CTSA: variants seen among roughly 807,000 people sequenced by gnomAD.
CTSA encodes lysosomal protective protein.
A neutral mutation model predicts 66.7 loss-of-function variants in CTSA; 42 were observed. The ratio of observed to expected loss-of-function variants is 0.63; its 90% CI spans 0.49 to 0.81. CTSA has a LOEUF of 0.81. CTSA is among the 40% of genes least tolerant of loss of function. The pLI is 0.00. For synonymous variants in CTSA, 225 were observed against 248.6 expected (o/e 0.91, Z 0.89); for missense variants, 525 against 610.9 (o/e 0.86, Z 1.48).
Position 45,898,424 on chromosome 20 carries a change from C to G in CTSA, c.1417C>G (p.Arg473Gly). The G allele has an allele frequency of 1.2e-6, 2 of 1,614,008 alleles. No homozygotes were observed. Among genetic ancestry groups the G allele is most frequent in the Non-Finnish European group, 1.7e-6 (2 of 1,179,978 alleles). Residue 473 changes from arginine to glycine, a missense_variant, in exon 15 of 15, where the codon CGC (arginine) becomes GGC (glycine). Transcript: ENST00000646241. This position sits in a 1 kb window ranked among gnomAD's most constrained non-coding sequence, Gnocchi z 4.6. ...KPLAAFTMFSRFLNKQPY is the reference protein window; with the variant it reads ...KPLAAFTMFSGFLNKQPY ...CCTCGCTGCCTTCACCATGTTCTCC[C>G]GCTTCCTGAACAAGCAGCCATACTG...
chr20:45,892,825 T>G lies in CTSA; in HGVS notation c.545T>G (p.Ile182Ser). ...LFLTGESYAG[I>S]YIPTLAVLVM... ...CTGACCGGGGAGAGCTATGCTGGCA[T>G]CTACATCCCCACCCTGGCCGTGCTG... Residue 182 changes from isoleucine (I) to serine (S), a missense_variant, in exon 6 of 15, where the codon ATC becomes AGC. By Grantham distance (142) the Ile-to-Ser change is moderately radical. Around this residue, in one of 3 missense-constraint regions of CTSA, gnomAD observed 246 missense variants for 267.4 expected, o/e 0.92. Coordinates refer to ENST00000646241, the MANE Select transcript of CTSA (RefSeq NM_000308.4). 1 of 1,614,150 alleles carries G rather than the reference T, an allele frequency of 6.2e-7. No homozygotes were observed. The highest frequency in any genetic ancestry group is 8.5e-7 in the Non-Finnish European group (1 of 1,180,026).
chr20:45,897,923 G>T, intron 13 of CTSA, 82 bp from the exon 14 acceptor site: 2 of 1,559,410 alleles, frequency 1.3e-6, no homozygotes, highest in South Asian at 1.1e-5. Context: ...AAGTGTGGAG[G>T]AATTCCCAGC....
In CTSA at chr20:45,891,858, G is replaced by T. The variant is rs1299882793; in HGVS notation, c.195-58G>T. ...AGACCCCTGAGGATGCCTGGGAGCC[G>T]GGAGGGCTGGAAAGGGCCCCTCCAA... On this transcript the variant is annotated intron_variant, in intron 2 of 14. Coordinates refer to ENST00000646241, the MANE Select transcript of CTSA (RefSeq NM_000308.4). The surrounding 1 kb of genome is among the most constrained non-coding windows in gnomAD (Gnocchi z 4.6). 1.1e-5 allele frequency: 17 copies of T among 1,607,200 alleles called. No individual in the cohort carries two copies. The East Asian group carries it at 3.8e-4, about 36-fold the overall frequency.
chr20:45,898,548 TCTGCCGCCAGGA>T lies in CTSA; in HGVS notation c.*104_*115del. 2 of 1,214,356 alleles carry T rather than the reference TCTGCCGCCAGGA, an allele frequency of 1.6e-6. No homozygotes were observed. Among genetic ancestry groups the T allele is most frequent in the South Asian group, 2.5e-5 (2 of 78,738 alleles). The allele number at this position is 1,214,356 out of a possible 1,614,324, so 75.2% of individuals were successfully genotyped here. A position where few individuals can be genotyped will look rare whatever the true frequency, so the allele number is the denominator to read the frequency against. ...AGCAAAGTGCCCCTGCAGGCCGGGT[TCTGCCGCCAGGA>T]CTGCCCCCTTCCCAGAGCCCTGTAC... On this transcript the variant is annotated 3_prime_UTR_variant, in exon 15 of 15. Coordinates refer to ENST00000646241, the MANE Select transcript of CTSA (RefSeq NM_000308.4). This position sits in a 1 kb window ranked among gnomAD's most constrained non-coding sequence, Gnocchi z 4.6.
At chr20:45,896,547 C>T (rs11698406) in intron 11 of CTSA, 8 of 259,992 alleles carry the variant, frequency 3.1e-5, no homozygotes, top group Non-Finnish European at 5.3e-5. Flanking sequence ...ATTCTCCTGC[C>T]TCAGCCTTCT....
intron 6 of CTSA, 127 bp from the exon 7 acceptor site, chr20:45,893,093 T>C (rs1432014867): frequency 1.0e-6 from 1 of 953,352 alleles, no homozygotes; most frequent in Non-Finnish European, 1.7e-6. Flanking sequence ...TGGCCTCTCA[T>C]ACCCACCGGC....
chr20:45,891,906 C>T lies in CTSA; in HGVS notation c.195-10C>T, dbSNP rs371714774. 46 of 1,613,064 alleles carry T rather than the reference C, an allele frequency of 2.9e-5. No individual in the cohort carries two copies. The highest frequency in any genetic ancestry group is 3.8e-5 in the Non-Finnish European group (45 of 1,179,158). On this transcript the variant is annotated splice_polypyrimidine_tract_variant and intron_variant, in intron 2 of 14. Coordinates refer to ENST00000646241, the MANE Select transcript of CTSA (RefSeq NM_000308.4). This position sits in a 1 kb window ranked among gnomAD's most constrained non-coding sequence, Gnocchi z 4.6. ...CAACTGCGCCAACCCTGCCCTGACCCCCCTCCCAGGTTTGTGGAGTCCCAG... is the reference window on the plus strand; with the variant it reads ...CAACTGCGCCAACCCTGCCCTGACCTCCCTCCCAGGTTTGTGGAGTCCCAG...
intron 6 of CTSA, 118 bp downstream of exon 6, chr20:45,892,998 AC>A (rs1987053760): frequency 8.1e-7 from 1 of 1,234,158 alleles, no homozygotes; most frequent in Admixed American, 2.0e-5. Flanking sequence ...TAACCTCCCC[AC>A]CACCGGCTGC....
In CTSA at chr20:45,896,244, AC is replaced by A. The variant is rs58016224; in HGVS notation, c.1089-712del. Reference sequence around the variant, plus strand: ...CTTCCATGTCCAGTCTCCTGTGGCCACCCCCCCCCACAACCCCAAGTAAAAG... The same window carrying A: ...CTTCCATGTCCAGTCTCCTGTGGCCACCCCCCCCACAACCCCAAGTAAAAG... On this transcript the variant is annotated intron_variant, in intron 11 of 14. Coordinates refer to ENST00000646241, the MANE Select transcript of CTSA (RefSeq NM_000308.4). 821 of 136,466 alleles carry A rather than the reference AC, an allele frequency of 6.0e-3. 6 individuals carry two copies. The highest frequency in any genetic ancestry group is 0.01 in the Non-Finnish European group (647 of 63,774). 8.5% of individuals were successfully genotyped at this position (136,466 alleles called of 1,614,324 possible). A position where few individuals can be genotyped will look rare whatever the true frequency, so the allele number is the denominator to read the frequency against.
At position 45,891,500 on chromosome 20, in the gene CTSA, A is replaced by T. The variant is rs2145812807; in HGVS notation, c.1-69A>T. Reference sequence around the variant, plus strand: ...CTTCCCTCGCGGAGGCGCCGCCAGCAACTCCCCGGGGGCTGCTGCACGGAA... The same window carrying T: ...CTTCCCTCGCGGAGGCGCCGCCAGCTACTCCCCGGGGGCTGCTGCACGGAA... On this transcript the variant is annotated intron_variant, in intron 1 of 14. Coordinates refer to ENST00000646241, the MANE Select transcript of CTSA (RefSeq NM_000308.4). The surrounding 1 kb of genome is among the most constrained non-coding windows in gnomAD (Gnocchi z 4.6). 6.4e-7 allele frequency: 1 copy of T among 1,552,282 alleles called. No homozygotes were observed. Among genetic ancestry groups the T allele is most frequent in the Non-Finnish European group, 8.7e-7 (1 of 1,149,858 alleles).
chr20:45,894,988 T>C lies in CTSA; in HGVS notation c.949-6T>C, dbSNP rs757911356. 6.2e-7 allele frequency: 1 copy of C among 1,614,158 alleles called. No homozygotes were observed. The highest frequency in any genetic ancestry group is 1.7e-5 in the Admixed American group (1 of 60,020). On this transcript the variant is annotated splice_polypyrimidine_tract_variant and splice_region_variant and intron_variant, in intron 10 of 14. Transcript: ENST00000646241. ...GAGGCCCTGACCCACTGTCTGTGCC[T>C]TCCAGGCACTGCTGCGCTCAGGGGA...
chr20:45,898,168 C>T lies in CTSA; in HGVS notation c.1359+59C>T, dbSNP rs1353758036. 9 of 1,548,636 alleles carry T rather than the reference C, an allele frequency of 5.8e-6. No homozygotes were observed. Among genetic ancestry groups the T allele is most frequent in the East Asian group, 2.3e-5 (1 of 44,298 alleles). On this transcript the variant is annotated intron_variant, in intron 14 of 14. Transcript: ENST00000646241. The surrounding 1 kb of genome is among the most constrained non-coding windows in gnomAD (Gnocchi z 4.6). ...CGGAGGCAAAGGAGCAGGACCCACCCGTCCTTTCCCTCTGGCTGCCTTTTA... is the reference window on the plus strand; with the variant it reads ...CGGAGGCAAAGGAGCAGGACCCACCTGTCCTTTCCCTCTGGCTGCCTTTTA...
At chr20:45,892,078 A>T (rs1446062937) in intron 3 of CTSA, 51 bp downstream of exon 3, 25 of 1,552,568 alleles carry the variant, frequency 1.6e-5, no homozygotes, top group Non-Finnish European at 2.1e-5. Context: ...AAGGCTGGGG[A>T]AAGCGAGAGA....
intron 6 of CTSA, 53 bp downstream of exon 6, chr20:45,892,933 A>G (rs758698751): frequency 4.4e-6 from 7 of 1,600,904 alleles, no homozygotes; most frequent in African/African-American, 1.3e-5. Flanking sequence ...GTGGCCTTAC[A>G]GTTAGCAAGG....
chr20:45,898,729 A>G lies in CTSA; in HGVS notation c.*279A>G. Reference sequence around the variant, plus strand: ...ATGATGCACTGATTCCATCCCAGGAACCCAACAGAGCTCAGGACAGCCCAC... The same window carrying G: ...ATGATGCACTGATTCCATCCCAGGAGCCCAACAGAGCTCAGGACAGCCCAC... On this transcript the variant is annotated 3_prime_UTR_variant, in exon 15 of 15. Transcript: ENST00000646241. The surrounding 1 kb of genome is among the most constrained non-coding windows in gnomAD (Gnocchi z 4.6). 2 of 679,092 alleles carry G rather than the reference A, an allele frequency of 2.9e-6. No homozygotes were observed. Among genetic ancestry groups the G allele is most frequent in the Non-Finnish European group, 5.0e-6 (2 of 401,580 alleles). 42.1% of individuals were successfully genotyped at this position (679,092 alleles called of 1,614,324 possible).
In CTSA at chr20:45,898,553, C is replaced by G; in HGVS notation, c.*103C>G. 6 of 1,134,354 alleles carry G rather than the reference C, an allele frequency of 5.3e-6. No individual in the cohort carries two copies. The South Asian group carries it at 6.5e-5, about 12-fold the overall frequency. The allele number at this position is 1,134,354 out of a possible 1,614,324, so 70.3% of individuals were successfully genotyped here. ...AGTGCCCCTGCAGGCCGGGTTCTGC[C>G]GCCAGGACTGCCCCCTTCCCAGAGC... On this transcript the variant is annotated 3_prime_UTR_variant, in exon 15 of 15. Coordinates refer to ENST00000646241, the MANE Select transcript of CTSA (RefSeq NM_000308.4). This position sits in a 1 kb window ranked among gnomAD's most constrained non-coding sequence, Gnocchi z 4.6.
At position 45,898,770 on chromosome 20, in the gene CTSA, G is replaced by A. The variant is rs568876316; in HGVS notation, c.*320G>A. On this transcript the variant is annotated 3_prime_UTR_variant, in exon 15 of 15. Transcript: ENST00000646241. The surrounding 1 kb of genome is among the most constrained non-coding windows in gnomAD (Gnocchi z 4.6). Reference sequence around the variant, plus strand: ...GACAGCCCACAGGGAGGTGGTGGACGGACTGTAATTGATAGATTGATTATG... The same window carrying A: ...GACAGCCCACAGGGAGGTGGTGGACAGACTGTAATTGATAGATTGATTATG... 172 of 798,424 alleles carry A rather than the reference G, an allele frequency of 2.2e-4. No homozygotes were observed. The highest frequency in any genetic ancestry group is 1.2e-3 in the South Asian group (70 of 56,338). The allele number at this position is 798,424 out of a possible 1,614,324, so 49.5% of individuals were successfully genotyped here.
rs368879245 is a variant in CTSA, at chr20:45,891,682, C to G, written c.114C>G (p.Leu38=). ...CCGACCAGGACGAGATCCAGCGCCT[C>G]CCCGGGCTGGCCAAGCAGCCGTCTT... ...AAPDQDEIQR[L]PGLAKQPSFR... is the part of the protein sequence containing the mutation. Residue 38 remains leucine (L), a synonymous_variant, in exon 2 of 15, where the codon CTC becomes CTG. Coordinates refer to ENST00000646241, the MANE Select transcript of CTSA (RefSeq NM_000308.4). This position sits in a 1 kb window ranked among gnomAD's most constrained non-coding sequence, Gnocchi z 4.6. 14 of 1,613,046 alleles carry G rather than the reference C, an allele frequency of 8.7e-6. No individual in the cohort carries two copies. In the East Asian group the frequency reaches 1.3e-4, roughly 15 times the overall value.
rs562177605 is a variant in CTSA at position 45,894,215 on chromosome 20, G to A, written c.777+143G>A. The A allele has an allele frequency of 9.7e-6, 7 of 718,244 alleles. No homozygotes were observed. In the African/African-American group the frequency reaches 1.2e-4, roughly 12 times the overall value. The allele number at this position is 718,244 out of a possible 1,614,324, so 44.5% of individuals were successfully genotyped here. On this transcript the variant is annotated intron_variant, in intron 8 of 14. Transcript: ENST00000646241. ...AGCAATTTAGTGTTCTCTGGGACAT[G>A]TGTCTAAGTGTGTATTCCCACCACC...
Sources: gnomAD v4.1 joint callset for allele counts on GRCh38, gnomAD v4.1.1 for gene constraint, gnomAD v4.1.1 regional missense constraint, Gnocchi (gnomAD v3.1) non-coding constraint, MANE v1.5 for transcripts, NCBI Gene and HGNC (gene_info 2026-07-23, HGNC 2026-07-21) for gene names.